Variants in RAB28 observed in about 807,000 individuals in gnomAD.
The protein encoded by RAB28 is ras-related protein Rab-28.
A neutral mutation model predicts 31.7 loss-of-function variants in RAB28; 24 were observed. The observed-to-expected ratio is 0.76, with a 90% CI of 0.55 to 1.06. The LOEUF is 1.06. RAB28 is among the 50% of genes least tolerant of loss of function. The pLI is 0.00. For synonymous variants in RAB28, 100 were observed against 90.4 expected (o/e 1.11, Z -0.60); for missense variants, 254 against 258.5 (o/e 0.98, Z 0.12).
chr4:13,445,604 A>G (rs942809624), intron 4 of RAB28, among the ~76,000 whole-genome samples: 1 of 151,916 alleles, frequency 6.6e-6, no homozygotes, highest in African/African-American at 2.4e-5. Context: ...TTTTCTTCTA[A>G]CAGGCCCCTC....
intron 4 of RAB28, among the ~76,000 whole-genome samples, chr4:13,415,023 G>A (rs564175292): frequency 1.0e-3 from 155 of 152,272 alleles, no homozygotes; most frequent in African/African-American, 3.5e-3. Flanking sequence ...TGGTATCACA[G>A]TAGTTATTCA....
intron 4 of RAB28, among the ~76,000 whole-genome samples, chr4:13,448,865 ACTT>A (rs1215336698): frequency 6.6e-6 from 1 of 152,018 alleles, no homozygotes; most frequent in Non-Finnish European, 1.5e-5. Context: ...AAATGATCAC[ACTT>A]CTATTTGAAA....
chr4:13,406,122 G>C (rs1712067958), intron 4 of RAB28, among the ~76,000 whole-genome samples: 1 of 152,054 alleles, frequency 6.6e-6, no homozygotes. Flanking sequence ...ATCTACATTA[G>C]GTATTTCTCC....
chr4:13,426,824 T>C (rs1023607298), intron 4 of RAB28, among the ~76,000 whole-genome samples: 6 of 152,226 alleles, frequency 3.9e-5, no homozygotes, highest in African/African-American at 1.4e-4. Flanking sequence ...AGTTTTAGTG[T>C]TGGTAACCTT....
intron 6 of RAB28, among the ~76,000 whole-genome samples, chr4:13,373,046 G>C (rs1187767333): frequency 2.0e-5 from 3 of 151,944 alleles, no homozygotes; most frequent in African/African-American, 7.3e-5. Context: ...TTTATTAATT[G>C]GCAAGTAAAA....
intron 1 of RAB28, 138 bp downstream of exon 1, chr4:13,483,938 A>T: frequency 1.3e-6 from 1 of 745,834 alleles, no homozygotes; most frequent in Non-Finnish European, 2.2e-6. Context: ...GTCCGGCCTC[A>T]GGCCACACAA....
At chr4:13,448,527 G>A (rs1276399985) in intron 4 of RAB28, among the ~76,000 whole-genome samples, 1 of 151,998 alleles carries the variant, frequency 6.6e-6, no homozygotes, top group Non-Finnish European at 1.5e-5. Context: ...GTTTGGGGCA[G>A]GCTATCCAAA....
chr4:13,388,627 A>C (rs949210390), intron 4 of RAB28, among the ~76,000 whole-genome samples: 1 of 152,138 alleles, frequency 6.6e-6, no homozygotes, highest in African/African-American at 2.4e-5. Flanking sequence ...ATATCTGACA[A>C]AATGTTAATA....
At chr4:13,436,326 A>G (rs563262407) in intron 4 of RAB28, among the ~76,000 whole-genome samples, 2 of 152,312 alleles carry the variant, frequency 1.3e-5, no homozygotes, top group East Asian at 3.9e-4. Flanking sequence ...CATTACTCCT[A>G]TTCAACATAA....
intron 6 of RAB28, among the ~76,000 whole-genome samples, chr4:13,374,033 C>G (rs938111102): frequency 4.6e-5 from 7 of 151,572 alleles, no homozygotes; most frequent in African/African-American, 1.5e-4. Flanking sequence ...ATGAACTTGC[C>G]AAAATGTTTC....
chr4:13,480,142 C>G (rs967223390), intron 1 of RAB28, among the ~76,000 whole-genome samples: 3 of 151,636 alleles, frequency 2.0e-5, no homozygotes, highest in Non-Finnish European at 4.4e-5. Context: ...TGAATATTTT[C>G]CATCCAAGAA....
chr4:13,377,119 C>CT lies in RAB28; in HGVS notation c.496-498dup, dbSNP rs148373122. 1.1e-3 allele frequency among the ~76,000 whole-genome samples: 168 copies of CT among 152,214 alleles called. 3 individuals are homozygous for CT. In the East Asian group the frequency reaches 0.024, roughly 22 times the overall value. Reference sequence around the variant, plus strand: ...TCATTCCAGCAAATTCTCCATGTTTCTTGAGTAAAGCAACTTGGTACTGTT... The same window carrying CT: ...TCATTCCAGCAAATTCTCCATGTTTCTTTGAGTAAAGCAACTTGGTACTGTT... On this transcript the variant is annotated intron_variant, in intron 5 of 6. Coordinates refer to ENST00000330852, the MANE Select transcript of RAB28 (RefSeq NM_001017979.3).
At chr4:13,383,993 T>G (rs537247238) in intron 4 of RAB28, among the ~76,000 whole-genome samples, 20 of 152,170 alleles carry the variant, frequency 1.3e-4, no homozygotes, top group Non-Finnish European at 2.2e-4. Context: ...ATTATACCTC[T>G]GCACTGGTGC....
Position 13,484,260 on chromosome 4 carries a change from C to T in RAB28, c.-110G>A. ...GAGGTAGTTGCGGCAGGACCCCCGC[C>T]CCGGTGTCTCCGCGCCGGCAGGAGG... On this transcript the variant is annotated 5_prime_UTR_variant, in exon 1 of 7. Coordinates refer to ENST00000330852, the MANE Select transcript of RAB28 (RefSeq NM_001017979.3). The T allele has an allele frequency of 1.3e-6, 1 of 797,930 alleles. No homozygotes were observed. Among genetic ancestry groups the T allele is most frequent in the Non-Finnish European group, 2.1e-6 (1 of 470,798 alleles). The allele number at this position is 797,930 out of a possible 1,614,324, so 49.4% of individuals were successfully genotyped here.
intron 1 of RAB28, 130 bp downstream of exon 1, chr4:13,483,946 C>T: frequency 2.4e-6 from 2 of 840,472 alleles, no homozygotes; most frequent in Non-Finnish European, 3.8e-6. Context: ...TCAGGCCACA[C>T]AACCAGAAGG....
At chr4:13,370,981 G>T in intron 6 of RAB28, 2 of 982,890 alleles carry the variant, frequency 2.0e-6, no homozygotes, top group Non-Finnish European at 2.4e-6. Flanking sequence ...ACCTATCCTC[G>T]CTATCCATGT....
In RAB28 at chr4:13,484,187, G is replaced by C. The variant is rs552478748; in HGVS notation, c.-37C>G. 9 of 1,536,374 alleles carry C rather than the reference G, an allele frequency of 5.9e-6. No individual in the cohort carries two copies. The highest frequency in any genetic ancestry group is 1.2e-5 in the South Asian group (1 of 84,528). On this transcript the variant is annotated 5_prime_UTR_variant, in exon 1 of 7. Transcript: ENST00000330852. ...AACCAGGCCCGCCCCTCGAGGTGGGGGGGGAAGGGAAGGATGAAGGCTCCG... is the reference window on the plus strand; with the variant it reads ...AACCAGGCCCGCCCCTCGAGGTGGGCGGGGAAGGGAAGGATGAAGGCTCCG...
At chr4:13,382,423 T>C (rs558610782) in intron 4 of RAB28, among the ~76,000 whole-genome samples, 63 of 151,316 alleles carry the variant, frequency 4.2e-4, no homozygotes, top group Non-Finnish European at 7.1e-4. Flanking sequence ...TGAGTCAATA[T>C]AGGAAAAAAA....
At chr4:13,409,727 A>T (rs1478877893) in intron 4 of RAB28, among the ~76,000 whole-genome samples, 3 of 152,220 alleles carry the variant, frequency 2.0e-5, no homozygotes, top group African/African-American at 7.2e-5. Flanking sequence ...CCTCCTTATA[A>T]ATCATGCAAA....
Sources: allele counts gnomAD v4.1 joint callset (sites outside exome capture counted in the v4.1 genomes callset), GRCh38; gene constraint gnomAD v4.1.1; transcripts MANE v1.5; gene names NCBI Gene and HGNC (gene_info 2026-07-23, HGNC 2026-07-21).